POLR2M: variants seen among roughly 807,000 people sequenced by gnomAD.
POLR2M encodes the protein RNA polymerase II subunit M.
Under a neutral mutation model 34.6 loss-of-function variants are expected in POLR2M, and 30 were observed. The ratio of observed to expected loss-of-function variants is 0.87; its 90% CI spans 0.65 to 1.18. The LOEUF (loss-of-function observed/expected upper bound fraction) is 1.18. POLR2M is among the 50% of genes most tolerant of loss of function. The pLI is 0.00. For missense variants in POLR2M, 432 were observed against 448.7 expected (o/e 0.96, Z 0.34); for synonymous variants, 150 against 166.7 (o/e 0.90, Z 0.77).
At chr15:57,710,480 C>G (rs755583338) in intron 2 of POLR2M, among the ~76,000 whole-genome samples, 1 of 152,044 alleles carries the variant, frequency 6.6e-6, no homozygotes, top group Non-Finnish European at 1.5e-5. Context: ...TTAATTCTAC[C>G]CCAGCATTCA....
intron 1 of POLR2M, chr15:57,707,403 C>G (rs2040537936): frequency 1.5e-6 from 1 of 668,356 alleles, no homozygotes; most frequent in East Asian, 3.0e-5. Context: ...GACCCTCATT[C>G]AGCTGGCTGG....
chr15:57,713,597 T>C (rs2140836981), intron 3 of POLR2M, among the ~76,000 whole-genome samples: 1 of 152,254 alleles, frequency 6.6e-6, no homozygotes, highest in South Asian at 2.1e-4. Flanking sequence ...GTAAAGTCCT[T>C]GGGAGTTTTT....
At chr15:57,711,891 A>T in intron 2 of POLR2M, 93 bp from the exon 3 acceptor site, 3 of 1,408,634 alleles carry the variant, frequency 2.1e-6, no homozygotes, top group African/African-American at 2.8e-5. Context: ...GAGGAGAATT[A>T]ATTGCTAAGG....
chr15:57,710,084 A>G (rs941464891), intron 2 of POLR2M, among the ~76,000 whole-genome samples: 1 of 152,238 alleles, frequency 6.6e-6, no homozygotes, highest in African/African-American at 2.4e-5. Flanking sequence ...ATGTTCTTCA[A>G]GGAGTTTAAG....
rs1193683632 is a variant in POLR2M, at chr15:57,717,314, CAG to C, written c.*2638_*2639del. On this transcript the variant is annotated 3_prime_UTR_variant, in exon 4 of 4. Transcript: ENST00000299638. ...ATAACTTACAAATAAGTACTTAAAA[CAG>C]AGCTTAATGGGTAAAGCAACAGCTG... 6.6e-6 allele frequency: 1 copy of C among 152,142 alleles called. No individual in the cohort carries two copies. The highest frequency in any genetic ancestry group is 1.5e-5 in the Non-Finnish European group (1 of 68,028). 9.4% of individuals were successfully genotyped at this position (152,142 alleles called of 1,614,324 possible).
rs1351773518 is a variant in POLR2M, at chr15:57,711,965, C to G, written c.759-19C>G. ...AATAAAATAATCTGATTGTATAACA[C>G]AAGTTTTCCTTTCATCAGGTTACCT... is the stretch of plus-strand genomic sequence containing the variant. On this transcript the variant is annotated intron_variant, in intron 2 of 3. Transcript: ENST00000299638. The G allele has an allele frequency of 1.9e-6, 3 of 1,613,516 alleles. No homozygotes were observed. Among genetic ancestry groups the G allele is most frequent in the Non-Finnish European group, 2.5e-6 (3 of 1,179,718 alleles).
rs2140852587 is a variant in POLR2M at position 57,717,196 on chromosome 15, G to T, written c.*2517G>T. On this transcript the variant is annotated 3_prime_UTR_variant, in exon 4 of 4. Coordinates refer to ENST00000299638, the MANE Select transcript of POLR2M (RefSeq NM_015532.5). ...TTAGGCCAATTTCTGGGCCTTCTGG[G>T]TTTTTTCTACACTGTCAATAATTAT... 1 of 152,024 alleles carries T rather than the reference G, an allele frequency of 6.6e-6. No individual in the cohort carries two copies. The highest frequency in any genetic ancestry group is 2.4e-5 in the African/African-American group (1 of 41,472). 9.4% of individuals were successfully genotyped at this position (152,024 alleles called of 1,614,324 possible). A position where few individuals can be genotyped will look rare whatever the true frequency, so the allele number is the denominator to read the frequency against.
Position 57,714,819 on chromosome 15 carries a change from G to C in POLR2M, c.*140G>C. 1 of 1,390,890 alleles carries C rather than the reference G, an allele frequency of 7.2e-7. No homozygotes were observed. The highest frequency in any genetic ancestry group is 9.6e-7 in the Non-Finnish European group (1 of 1,037,844). The allele number at this position is 1,390,890 out of a possible 1,614,324, so 86.2% of individuals were successfully genotyped here. A position where few individuals can be genotyped will look rare whatever the true frequency, so the allele number is the denominator to read the frequency against. On this transcript the variant is annotated 3_prime_UTR_variant, in exon 4 of 4. Coordinates refer to ENST00000299638, the MANE Select transcript of POLR2M (RefSeq NM_015532.5). The stretch of plus-strand genomic sequence containing the variant: ...CAAAGGTAGTTATAAAAAAAGCCCA[G>C]TTTGTCTTTCAGAAGGTGACTTTCA...
At chr15:57,708,485 G>T (rs1193246030) in intron 1 of POLR2M, among the ~76,000 whole-genome samples, 1 of 152,142 alleles carries the variant, frequency 6.6e-6, no homozygotes, top group African/African-American at 2.4e-5. Context: ...AATTTGCTGA[G>T]ACAAATGAGG....
At chr15:57,711,020 A>G (rs1041343804) in intron 2 of POLR2M, among the ~76,000 whole-genome samples, 3 of 152,184 alleles carry the variant, frequency 2.0e-5, no homozygotes, top group Non-Finnish European at 2.9e-5. Context: ...TGCATAGCCA[A>G]TTAACCATGA....
intron 3 of POLR2M, among the ~76,000 whole-genome samples, chr15:57,713,758 C>CATGATTGTAATTA: frequency 6.8e-6 from 1 of 146,986 alleles, no homozygotes; most frequent in East Asian, 2.2e-4. Flanking sequence ...GTCTGGAAGT[C>CATGATTGTAATTA]ATGATTGTAA....
chr15:57,707,015 T>C, intron 1 of POLR2M, 60 bp downstream of exon 1: 3 of 1,551,722 alleles, frequency 1.9e-6, no homozygotes, highest in Non-Finnish European at 2.6e-6. Flanking sequence ...CCCTGGGCGC[T>C]CCCCTCCCCT....
chr15:57,712,581 T>C (rs1257196507), intron 3 of POLR2M, among the ~76,000 whole-genome samples: 2 of 152,082 alleles, frequency 1.3e-5, no homozygotes, highest in Non-Finnish European at 2.9e-5. Flanking sequence ...ATGAGGAGAA[T>C]GTAGTTCCCA....
chr15:57,707,962 TAAAGA>T (rs1393759203), intron 1 of POLR2M, among the ~76,000 whole-genome samples: 3 of 152,098 alleles, frequency 2.0e-5, no homozygotes, highest in Admixed American at 6.5e-5. Flanking sequence ...ATTGTATAGT[TAAAGA>T]AAAGGGAATC....
At chr15:57,712,274 T>A in intron 3 of POLR2M, 86 bp downstream of exon 3, 1 of 1,495,532 alleles carries the variant, frequency 6.7e-7, no homozygotes, top group Non-Finnish European at 9.1e-7. Flanking sequence ...GAGGAAGGAA[T>A]GGAATAGAGG....
In POLR2M at chr15:57,706,767, G is replaced by A. The variant is rs1474152927; in HGVS notation, c.-76G>A. 9.3e-6 allele frequency: 14 copies of A among 1,497,404 alleles called. No homozygotes were observed. The highest frequency in any genetic ancestry group is 1.3e-5 in the Non-Finnish European group (14 of 1,110,698). 92.8% of individuals were successfully genotyped at this position (1,497,404 alleles called of 1,614,324 possible). On this transcript the variant is annotated 5_prime_UTR_variant, in exon 1 of 4. Transcript: ENST00000299638. ...TCGTGCCCCGGAGTCACCGCCGTCC[G>A]CGGATCCGGCGCTAGTAGCGGGGCC...
intron 1 of POLR2M, 122 bp downstream of exon 1, chr15:57,707,077 C>T: frequency 1.3e-6 from 2 of 1,551,422 alleles, no homozygotes; most frequent in Non-Finnish European, 1.7e-6. Context: ...GTCACATTCG[C>T]TTCAGTCCTA....
rs1007500113 is a variant in POLR2M, at chr15:57,709,180, G to C, written c.580G>C (p.Asp194His). 2 of 1,614,078 alleles carry C rather than the reference G, an allele frequency of 1.2e-6. No individual in the cohort carries two copies. Among genetic ancestry groups the C allele is most frequent in the Admixed American group, 1.7e-5 (1 of 60,000 alleles). The change falls in exon 2 of 4, where the codon GAC (aspartate) becomes CAC (histidine). Residue 194 changes from aspartate (D) to histidine (H), a missense_variant. Physicochemically the swap from Asp to His is moderately conservative, Grantham distance 81. Coordinates refer to ENST00000299638, the MANE Select transcript of POLR2M (RefSeq NM_015532.5). The part of the protein sequence containing the change: ...TSSSFDNLFI[D>H]RLQRITIADQ... ...CAGCAGCTTTGACAACCTGTTTATT[G>C]ACAGGTTACAGAGGATCACCATTGC... is the stretch of plus-strand genomic sequence containing the variant.
rs1401713518 is a variant in POLR2M at position 57,717,453 on chromosome 15, A to G, written c.*2774A>G. The G allele has an allele frequency of 6.6e-6, 1 of 152,130 alleles. No homozygotes were observed. Among genetic ancestry groups the G allele is most frequent in the African/African-American group, 2.4e-5 (1 of 41,402 alleles). 9.4% of individuals were successfully genotyped at this position (152,130 alleles called of 1,614,324 possible). ...GAGCTAACTATCCTGACGTATGGTA[A>G]TTCTCCCTCTGTCCTTTTAAGAATT... On this transcript the variant is annotated 3_prime_UTR_variant, in exon 4 of 4. Transcript: ENST00000299638.
Sources: gnomAD v4.1 joint callset for allele counts (sites outside exome capture counted in the v4.1 genomes callset) on GRCh38, gnomAD v4.1.1 for gene constraint, MANE v1.5 for transcripts, NCBI Gene and HGNC (gene_info 2026-07-23, HGNC 2026-07-21) for gene names.